The following ZBTB20 variants were observed in gnomAD, a reference collection of about 807,000 sequenced individuals.
ZBTB20 encodes the protein zinc finger and BTB domain-containing protein 20.
ZBTB20 carries 9 observed loss-of-function variants against 56.9 expected under a neutral mutation model. The observed-to-expected ratio is 0.16, with a 90% confidence interval of 0.10 to 0.28. ZBTB20 has a LOEUF of 0.28. Among genes scored for constraint, ZBTB20 ranks in the 10% least tolerant of loss-of-function variants. The probability of loss-of-function intolerance (pLI) is 1.00; values close to 1 mark genes in which losing one functional copy is unlikely to be tolerated. For missense variants in ZBTB20, 655 were observed against 1,003.0 expected (o/e 0.65, Z 4.69); for synonymous variants, 417 against 420.7 (o/e 0.99, Z 0.11).
At chr3:115,026,990 C>T (rs567883585) in intron 2 of ZBTB20, among the ~76,000 whole-genome samples, 1 of 150,812 alleles carries the variant, frequency 6.6e-6, no homozygotes, top group Non-Finnish European at 1.5e-5. Context: ...TTTTATATAG[C>T]ATTACCTTTT....
At chr3:115,003,684 A>AC (rs900788222) in intron 2 of ZBTB20, among the ~76,000 whole-genome samples, 2 of 151,592 alleles carry the variant, frequency 1.3e-5, no homozygotes, top group African/African-American at 2.4e-5. Flanking sequence ...AAACAAAACA[A>AC]AACAACAACA....
chr3:114,729,893 T>C (rs2065602479), intron 5 of ZBTB20, among the ~76,000 whole-genome samples: 1 of 151,342 alleles, frequency 6.6e-6, no homozygotes, highest in African/African-American at 2.4e-5. Flanking sequence ...AGCCTCAAAC[T>C]CCTGGGCTCA....
chr3:114,462,747 T>C (rs957970922), intron 7 of ZBTB20, among the ~76,000 whole-genome samples: 4 of 152,228 alleles, frequency 2.6e-5, no homozygotes, highest in Admixed American at 2.6e-4. Flanking sequence ...GACACAACTA[T>C]GATTTTCATG....
intron 1 of ZBTB20, among the ~76,000 whole-genome samples, chr3:115,117,640 CTCT>C (rs1167239457): frequency 2.0e-5 from 3 of 151,640 alleles, no homozygotes; most frequent in African/African-American, 4.8e-5. Context: ...TTCTCCACAA[CTCT>C]TTTTTTTTTC....
intron 4 of ZBTB20, among the ~76,000 whole-genome samples, chr3:114,815,750 C>T (rs550370649): frequency 2.0e-5 from 3 of 152,092 alleles, no homozygotes; most frequent in South Asian, 4.2e-4. Flanking sequence ...CACGCACACA[C>T]GACCGGCTAC....
rs555305618 is a variant in ZBTB20, at chr3:114,557,476, T to C, written c.-294-57085A>G. On this transcript the variant is annotated intron_variant, in intron 6 of 11. Coordinates refer to ENST00000675478, the MANE Select transcript of ZBTB20 (RefSeq NM_001348800.3). ...GTTTTTCATATATAGTACCTAATTGTTTTTGGTCCACAGAATAAGGCTATT... is the reference window on the plus strand; with the variant it reads ...GTTTTTCATATATAGTACCTAATTGCTTTTGGTCCACAGAATAAGGCTATT... Among the ~76,000 whole-genome samples the C allele has an allele frequency of 2.6e-5, 4 of 152,098 alleles. No homozygotes were observed. In the East Asian group the frequency reaches 7.7e-4, roughly 29 times the overall value.
At chr3:114,677,569 A>C (rs11718632) in intron 6 of ZBTB20, among the ~76,000 whole-genome samples, 8,798 of 152,246 alleles carry the variant, frequency 0.058, 338 homozygotes, top group Middle Eastern at 0.14. Context: ...CCATCCCCAC[A>C]CCTCCAGTCC....
At chr3:114,881,352 A>G (rs1396369824) in intron 4 of ZBTB20, among the ~76,000 whole-genome samples, 2 of 152,050 alleles carry the variant, frequency 1.3e-5, no homozygotes, top group Non-Finnish European at 2.9e-5. Flanking sequence ...GTACAAATAA[A>G]TCTATTTATC....
At chr3:114,830,057 C>A (rs375183353) in intron 4 of ZBTB20, among the ~76,000 whole-genome samples, 2 of 151,862 alleles carry the variant, frequency 1.3e-5, no homozygotes, top group East Asian at 3.9e-4. Flanking sequence ...TCACAAAGTA[C>A]AATTAATGTT....
At chr3:115,120,287 T>C (rs1326682992) in intron 1 of ZBTB20, among the ~76,000 whole-genome samples, 1 of 152,084 alleles carries the variant, frequency 6.6e-6, no homozygotes, top group Non-Finnish European at 1.5e-5. Flanking sequence ...AAGATGTGTT[T>C]AGAAAATCTC....
chr3:114,364,817 G>A (rs2082237035), intron 10 of ZBTB20, among the ~76,000 whole-genome samples: 1 of 152,110 alleles, frequency 6.6e-6, no homozygotes, highest in South Asian at 2.1e-4. Flanking sequence ...TTCAACTACT[G>A]TAGCCCCAAA....
intron 4 of ZBTB20, among the ~76,000 whole-genome samples, chr3:114,883,033 C>T (rs2076456374): frequency 6.6e-6 from 1 of 152,258 alleles, no homozygotes; most frequent in South Asian, 2.1e-4. Flanking sequence ...GATTTCATTT[C>T]CTCATTTGTA....
intron 2 of ZBTB20, among the ~76,000 whole-genome samples, chr3:115,069,089 T>C (rs1032738192): frequency 2.0e-5 from 3 of 152,078 alleles, no homozygotes; most frequent in Non-Finnish European, 4.4e-5. Context: ...GCCCCAGCAT[T>C]CAGAAAGAAA....
intron 5 of ZBTB20, among the ~76,000 whole-genome samples, chr3:114,728,155 T>C (rs2108524950): frequency 6.6e-6 from 1 of 152,326 alleles, no homozygotes; most frequent in East Asian, 1.9e-4. Flanking sequence ...AGTTTCAATG[T>C]AAATTCCTAG....
intron 4 of ZBTB20, among the ~76,000 whole-genome samples, chr3:114,889,130 C>T (rs2076713643): frequency 6.6e-6 from 1 of 151,670 alleles, no homozygotes; most frequent in South Asian, 2.1e-4. Flanking sequence ...TATCTATTCA[C>T]ACATTTTTAC....
chr3:114,895,322 A>C (rs2074830006), intron 4 of ZBTB20, among the ~76,000 whole-genome samples: 1 of 152,218 alleles, frequency 6.6e-6, no homozygotes, highest in Non-Finnish European at 1.5e-5. Context: ...ATATGAAAGT[A>C]ACTCATCAAG....
intron 6 of ZBTB20, among the ~76,000 whole-genome samples, chr3:114,588,148 T>G (rs547207404): frequency 6.6e-6 from 1 of 152,100 alleles, no homozygotes; most frequent in East Asian, 1.9e-4. Flanking sequence ...CTGTTTTAGG[T>G]GGGGGAAGGG....
intron 2 of ZBTB20, among the ~76,000 whole-genome samples, chr3:115,025,462 T>G (rs893459443): frequency 6.6e-6 from 1 of 151,148 alleles, no homozygotes; most frequent in African/African-American, 2.4e-5. Context: ...AGGTATATTC[T>G]TTGATATTAT....
chr3:114,815,683 T>C (rs2072864830), intron 4 of ZBTB20, among the ~76,000 whole-genome samples: 1 of 152,134 alleles, frequency 6.6e-6, no homozygotes, highest in African/African-American at 2.4e-5. Flanking sequence ...ACTTCATGAA[T>C]TTGGTTTTAT....
Sources: gnomAD v4.1 joint callset for allele counts (sites outside exome capture counted in the v4.1 genomes callset) on GRCh38, gnomAD v4.1.1 for gene constraint, MANE v1.5 for transcripts, NCBI Gene and HGNC (gene_info 2026-07-23, HGNC 2026-07-21) for gene names.